Variants in SULF1 observed in about 807,000 individuals in gnomAD.
The protein encoded by SULF1 is extracellular sulfatase Sulf-1.
In SULF1, 46 loss-of-function variants were observed where a neutral mutation model predicts 110.5. The ratio of observed to expected loss-of-function variants is 0.42; its 90% CI spans 0.33 to 0.53. The LOEUF is 0.53. SULF1 is among the 20% of genes least tolerant of loss of function. The pLI, the probability that SULF1 is intolerant of heterozygous loss-of-function variation, is 0.12. For missense variants in SULF1, 941 were observed against 1,094.2 expected (o/e 0.86, Z 1.98); for synonymous variants, 371 against 387.1 (o/e 0.96, Z 0.49).
At chr8:69,623,202 A>G (rs186906662) in intron 14 of SULF1, among the ~76,000 whole-genome samples, 1 of 147,480 alleles carries the variant, frequency 6.8e-6, no homozygotes, top group Admixed American at 7.1e-5. Context: ...TGATGAAAGC[A>G]TTAACAAAAT....
At chr8:69,499,525 C>G (rs1025202605) in intron 2 of SULF1, among the ~76,000 whole-genome samples, 3 of 152,152 alleles carry the variant, frequency 2.0e-5, no homozygotes, top group African/African-American at 7.2e-5. Context: ...AAGAAAGGAT[C>G]CAGGCAATCA....
chr8:69,508,129 G>A (rs913826378), intron 3 of SULF1, among the ~76,000 whole-genome samples: 2 of 151,098 alleles, frequency 1.3e-5, no homozygotes, highest in Admixed American at 6.6e-5. Context: ...TTTTGAGATG[G>A]AGTTTTGCTC....
chr8:69,571,543 T>G (rs1239555864), intron 5 of SULF1, among the ~76,000 whole-genome samples: 2 of 152,244 alleles, frequency 1.3e-5, no homozygotes, highest in Non-Finnish European at 2.9e-5. Flanking sequence ...GCTTTACAAT[T>G]CATATCATTC....
At position 69,593,447 on chromosome 8, in the gene SULF1, C is replaced by T. The variant is rs551975356; in HGVS notation, c.734+4306C>T. On this transcript the variant is annotated intron_variant, in intron 8 of 22. Transcript: ENST00000402687. ...GCAAGTAACGTGAACACTTTCCTTT[C>T]GGTCATCTTCCTTGGTGGTCAGGCA... 2.0e-5 allele frequency among the ~76,000 whole-genome samples: 3 copies of T among 152,330 alleles called. No homozygotes were observed. The East Asian group carries it at 5.8e-4, about 29-fold the overall frequency.
At chr8:69,644,511 A>G (rs1180444737) in intron 22 of SULF1, among the ~76,000 whole-genome samples, 1 of 152,122 alleles carries the variant, frequency 6.6e-6, no homozygotes, top group Admixed American at 6.6e-5. Flanking sequence ...GCAACCAAGA[A>G]TTGATCACTC....
At chr8:69,598,120 A>G (rs1336197176) in intron 8 of SULF1, among the ~76,000 whole-genome samples, 2 of 151,820 alleles carry the variant, frequency 1.3e-5, no homozygotes, top group African/African-American at 4.8e-5. Context: ...CAAAAAAAAA[A>G]AAAGGGGGGG....
At chr8:69,612,504 C>T (rs1420834502) in intron 13 of SULF1, among the ~76,000 whole-genome samples, 2 of 79,404 alleles carry the variant, frequency 2.5e-5, no homozygotes, top group African/African-American at 1.2e-4. Context: ...CACATTCACG[C>T]CAACATCTAT....
intron 3 of SULF1, among the ~76,000 whole-genome samples, chr8:69,510,624 T>TCG (rs2150588464): frequency 6.7e-6 from 1 of 149,262 alleles, no homozygotes; most frequent in East Asian, 1.9e-4. Context: ...TTTTTTGTTT[T>TCG]TTTTTTTTTT....
chr8:69,530,465 C>G (rs951639071), intron 3 of SULF1, among the ~76,000 whole-genome samples: 1 of 152,040 alleles, frequency 6.6e-6, no homozygotes, highest in Admixed American at 6.6e-5. Flanking sequence ...ATATAGTCAC[C>G]ACTCCTTATT....
intron 5 of SULF1, among the ~76,000 whole-genome samples, chr8:69,565,135 G>A (rs139449423): frequency 2.7e-4 from 41 of 152,180 alleles, no homozygotes; most frequent in African/African-American, 9.6e-4. Flanking sequence ...TCCCAGTAAA[G>A]TTAATTCCTT....
At chr8:69,547,345 C>T (rs1353862434) in intron 3 of SULF1, among the ~76,000 whole-genome samples, 1 of 152,088 alleles carries the variant, frequency 6.6e-6, no homozygotes, top group African/African-American at 2.4e-5. Context: ...AAATATCTTC[C>T]CCTGGGATTT....
chr8:69,488,578 C>T (rs1809792103), upstream of SULF1, among the ~76,000 whole-genome samples: 1 of 151,944 alleles, frequency 6.6e-6, no homozygotes, highest in South Asian at 2.1e-4. Context: ...GGCTGTTTGG[C>T]ACTAGTTCTC....
upstream of SULF1, among the ~76,000 whole-genome samples, chr8:69,489,635 G>A (rs1809844527): frequency 6.8e-6 from 1 of 146,718 alleles, no homozygotes; most frequent in Non-Finnish European, 1.5e-5. Flanking sequence ...GGAGTGCAGA[G>A]GGGCGATCTT....
intron 1 of SULF1, among the ~76,000 whole-genome samples, chr8:69,467,437 G>A (rs1011202304): frequency 6.6e-6 from 1 of 152,218 alleles, no homozygotes; most frequent in Admixed American, 6.5e-5. Flanking sequence ...ACAGAGCAAA[G>A]GGTGTTTTAA....
At chr8:69,647,621 G>C (rs11785839) in intron 22 of SULF1, among the ~76,000 whole-genome samples, 75,280 of 151,758 alleles carry the variant, frequency 0.5, 18,781 homozygotes, top group South Asian at 0.6. Flanking sequence ...AATAAAAACG[G>C]CTAGGCACAG....
At chr8:69,647,954 G>T (rs917455065) in intron 22 of SULF1, among the ~76,000 whole-genome samples, 2 of 151,108 alleles carry the variant, frequency 1.3e-5, no homozygotes, top group African/African-American at 4.9e-5. Flanking sequence ...TGTCCTGCTA[G>T]TATCAAAAAG....
intron 8 of SULF1, among the ~76,000 whole-genome samples, chr8:69,596,311 C>A (rs1807326705): frequency 6.6e-6 from 1 of 152,054 alleles, no homozygotes; most frequent in Admixed American, 6.6e-5. Flanking sequence ...CTACCTCCAA[C>A]ACAGAATTTT....
intron 3 of SULF1, among the ~76,000 whole-genome samples, chr8:69,554,245 G>A (rs916546472): frequency 1.3e-5 from 2 of 152,166 alleles, no homozygotes; most frequent in South Asian, 2.1e-4. Flanking sequence ...GTGTTTGTAC[G>A]GAAGAATTCT....
chr8:69,594,734 G>A (rs6472467), intron 8 of SULF1, among the ~76,000 whole-genome samples: 67,169 of 151,976 alleles, frequency 0.44, 15,488 homozygotes, highest in Non-Finnish European at 0.52. Context: ...TCTGATTTGG[G>A]CAGAACTCAT....
Sources: gnomAD v4.1 joint callset for allele counts (sites outside exome capture counted in the v4.1 genomes callset) on GRCh38, gnomAD v4.1.1 for gene constraint, MANE v1.5 for transcripts, NCBI Gene and HGNC (gene_info 2026-07-23, HGNC 2026-07-21) for gene names.